The following NRXN1 variants were observed in gnomAD, a reference collection of about 807,000 sequenced individuals.
NRXN1 encodes neurexin-1.
In NRXN1, 39 loss-of-function variants were observed where a neutral mutation model predicts 150.9. The observed-to-expected ratio is 0.26, with a 90% CI of 0.20 to 0.34. The LOEUF is 0.34. Ranked by LOEUF, NRXN1 falls within the 10% of genes least tolerant of loss-of-function variation. NRXN1 has a pLI of 1.00. For missense variants in NRXN1, 1,815 were observed against 1,949.9 expected (o/e 0.93, Z 1.30); for synonymous variants, 924 against 757.0 (o/e 1.22, Z -3.62).
chr2:50,314,689 AG>A (rs1015119501), intron 17 of NRXN1, among the ~76,000 whole-genome samples: 1 of 152,068 alleles, frequency 6.6e-6, no homozygotes, highest in African/African-American at 2.4e-5. Flanking sequence ...ATGAAAAAAA[AG>A]AATATATTTT....
intron 5 of NRXN1, among the ~76,000 whole-genome samples, chr2:50,856,874 T>C (rs1675349332): frequency 6.6e-6 from 1 of 152,102 alleles, no homozygotes; most frequent in Non-Finnish European, 1.5e-5. Context: ...AGTTTAGATA[T>C]AAATGAGGTT....
intron 18 of NRXN1, among the ~76,000 whole-genome samples, chr2:50,120,067 T>C (rs1023448974): frequency 5.9e-5 from 9 of 152,144 alleles, no homozygotes; most frequent in Non-Finnish European, 1.3e-4. Context: ...TCTTGCTCTA[T>C]TGTTAATCAA....
At position 50,479,708 on chromosome 2, in the gene NRXN1, A is replaced by AGCAATAAT. The variant is rs569784616; in HGVS notation, c.3071-7245_3071-7238dup. Among the ~76,000 whole-genome samples, 636 of 150,582 alleles carry AGCAATAAT rather than the reference A, an allele frequency of 4.2e-3. 11 individuals are homozygous for AGCAATAAT. The highest frequency in any genetic ancestry group is 6.6e-3 in the Non-Finnish European group (444 of 67,730). On this transcript the variant is annotated intron_variant, in intron 15 of 22. Transcript: ENST00000401669. ...ATTTGTCCCTGGCTCTTTTTACCTG[A>AGCAATAAT]GCAATAATGAATTAAGTTAATTGTG...
intron 5 of NRXN1, among the ~76,000 whole-genome samples, chr2:50,626,230 T>C (rs1472177782): frequency 2.6e-5 from 4 of 151,770 alleles, no homozygotes; most frequent in East Asian, 3.9e-4. Context: ...AATAGATTCA[T>C]AGATTCAATG....
At chr2:50,856,675 G>A (rs1675320958) in intron 5 of NRXN1, among the ~76,000 whole-genome samples, 1 of 151,990 alleles carries the variant, frequency 6.6e-6, no homozygotes. Context: ...TAATTGTCGT[G>A]AAATATGTTA....
At chr2:50,971,848 T>G (rs996558355) in intron 2 of NRXN1, among the ~76,000 whole-genome samples, 4 of 152,122 alleles carry the variant, frequency 2.6e-5, no homozygotes, top group African/African-American at 4.8e-5. Flanking sequence ...TACAGGACAA[T>G]TATTCCTCTC....
intron 5 of NRXN1, among the ~76,000 whole-genome samples, chr2:50,878,735 T>C (rs897048073): frequency 6.6e-6 from 1 of 151,932 alleles, no homozygotes; most frequent in Non-Finnish European, 1.5e-5. Flanking sequence ...ACAGAACCTT[T>C]CATCAGATGT....
rs909075094 is a variant in NRXN1, at chr2:50,146,643, A to C, written c.3547-55149T>G. ...TTTCAATTAAAGCTGATTATAACTT[A>C]CTTTTAATGTATATTGCTATTATAC... On this transcript the variant is annotated intron_variant, in intron 18 of 22. Transcript: ENST00000401669. 5.3e-5 allele frequency among the ~76,000 whole-genome samples: 8 copies of C among 151,754 alleles called. No individual in the cohort carries two copies. The East Asian group carries it at 1.4e-3, about 26-fold the overall frequency.
chr2:50,472,448 C>G lies in NRXN1; in HGVS notation c.3094G>C (p.Ala1032Pro), dbSNP rs1318856307. 2 of 1,611,798 alleles carry G rather than the reference C, an allele frequency of 1.2e-6. No individual in the cohort carries two copies. The highest frequency in any genetic ancestry group is 4.5e-5 in the East Asian group (2 of 44,866). Residue 1032 changes from alanine to proline, a missense_variant, in exon 16 of 23, where the codon GCT (alanine) becomes CCT (proline). Transcript: ENST00000401669. ...GGTAAGGATTTGTATGTTTCTTTAG[C>G]TACTCCTCCTATATATAAGTCACCT... is the stretch of plus-strand genomic sequence containing the variant. ...LKSDLYIGGVAKETYKSLPKL... is the reference protein window; with the variant it reads ...LKSDLYIGGVPKETYKSLPKL...
chr2:50,208,498 G>A (rs1326546134), intron 18 of NRXN1, among the ~76,000 whole-genome samples: 1 of 151,980 alleles, frequency 6.6e-6, no homozygotes, highest in African/African-American at 2.4e-5. Flanking sequence ...TTTGAAAAGG[G>A]GATATAGCTT....
intron 5 of NRXN1, among the ~76,000 whole-genome samples, chr2:50,741,425 T>C (rs1487824954): frequency 2.0e-5 from 3 of 152,234 alleles, no homozygotes; most frequent in African/African-American, 7.2e-5. Context: ...TCTGCCCAAA[T>C]GCTCCTAATA....
At chr2:50,825,948 G>C (rs1001772410) in intron 5 of NRXN1, among the ~76,000 whole-genome samples, 1 of 152,196 alleles carries the variant, frequency 6.6e-6, no homozygotes, top group African/African-American at 2.4e-5. Flanking sequence ...TCATGTTAGA[G>C]GTATTGTGTT....
chr2:50,273,865 G>C (rs1028364488), intron 17 of NRXN1, among the ~76,000 whole-genome samples: 6 of 152,110 alleles, frequency 3.9e-5, no homozygotes, highest in Non-Finnish European at 7.3e-5. Context: ...TCATTAAAAA[G>C]TCAGGAAACA....
At chr2:49,964,896 T>C (rs1216481955) in intron 21 of NRXN1, among the ~76,000 whole-genome samples, 1 of 152,200 alleles carries the variant, frequency 6.6e-6, no homozygotes, top group Non-Finnish European at 1.5e-5. Context: ...TTCTTTATTT[T>C]ATTTTTTGAG....
intron 17 of NRXN1, among the ~76,000 whole-genome samples, chr2:50,412,132 T>C (rs891833443): frequency 6.6e-6 from 1 of 152,010 alleles, no homozygotes; most frequent in African/African-American, 2.4e-5. Flanking sequence ...CATTAAGTCA[T>C]CACCACTCCC....
intron 2 of NRXN1, among the ~76,000 whole-genome samples, chr2:50,990,963 T>C (rs1247577449): frequency 6.6e-6 from 1 of 152,076 alleles, no homozygotes; most frequent in African/African-American, 2.4e-5. Context: ...GCCTATGTTC[T>C]GGATCTGACA....
At chr2:50,988,992 TC>T (rs1440354961) in intron 2 of NRXN1, among the ~76,000 whole-genome samples, 4 of 151,708 alleles carry the variant, frequency 2.6e-5, no homozygotes, top group African/African-American at 9.7e-5. Context: ...TCCCACTTTT[TC>T]CCCCCATATT....
At chr2:49,951,417 A>G (rs1158751918) in intron 21 of NRXN1, among the ~76,000 whole-genome samples, 1 of 151,984 alleles carries the variant, frequency 6.6e-6, no homozygotes, top group Admixed American at 6.6e-5. Context: ...AAGGCAATGT[A>G]GAAGGACTGG....
chr2:50,769,384 G>C lies in NRXN1; in HGVS notation c.833-145769C>G, dbSNP rs1389289820. On this transcript the variant is annotated intron_variant, in intron 5 of 22. Coordinates refer to ENST00000401669, the MANE Select transcript of NRXN1 (RefSeq NM_001330078.2). ...CTAATGCACTAACATCATTTCCCTA[G>C]GGCAAGGTCTGATTTCTCTGAGTAT... 2.0e-5 allele frequency among the ~76,000 whole-genome samples: 3 copies of C among 151,970 alleles called. 1 individual carries two copies. The highest frequency in any genetic ancestry group is 2.0e-4 in the Admixed American group (3 of 15,254).
Sources: gnomAD v4.1 joint callset for allele counts (sites outside exome capture counted in the v4.1 genomes callset) on GRCh38, gnomAD v4.1.1 for gene constraint, MANE v1.5 for transcripts, NCBI Gene and HGNC (gene_info 2026-07-23, HGNC 2026-07-21) for gene names.